The following PSPC1 variants were observed in gnomAD, a reference collection of about 807,000 sequenced individuals.
PSPC1 encodes paraspeckle protein 1.
In PSPC1, 14 loss-of-function variants were observed where a neutral mutation model predicts 51.6. The observed-to-expected ratio is 0.27, with a 90% confidence interval of 0.18 to 0.42. The LOEUF (loss-of-function observed/expected upper bound fraction) is 0.42, where lower values mean the gene tolerates loss of function less well. PSPC1 is among the 10% of genes least tolerant of loss of function. The pLI, the probability that PSPC1 is intolerant of heterozygous loss-of-function variation, is 1.00. For missense variants in PSPC1, 406 were observed against 701.1 expected (o/e 0.58, Z 4.75); for synonymous variants, 193 against 231.9 (o/e 0.83, Z 1.53).
In PSPC1 at chr13:19,782,481, T is replaced by A; in HGVS notation, c.277A>T (p.Ile93Phe). ...RLFVGNLPTD[I>F]TEEDFKRLFE... is the part of the protein sequence containing the mutation. ...AGCCTCTTGAAGTCCTCCTCCGTGA[T>A]GTCGGTGGGCAGATTTCCCACGAAG... The change falls in exon 1 of 9, where the codon ATC (isoleucine) becomes TTC (phenylalanine). Residue 93 changes from isoleucine to phenylalanine, a missense_variant. Ile to Phe is a conservative substitution (Grantham distance 21). Around this residue, in one of 5 missense-constraint regions of PSPC1, gnomAD observed 180 missense variants for 337.9 expected, o/e 0.53. Transcript: ENST00000338910. This position sits in a 1 kb window ranked among gnomAD's most constrained non-coding sequence, Gnocchi z 4.5. The A allele has an allele frequency of 6.2e-7, 1 of 1,613,174 alleles. No individual in the cohort carries two copies. The highest frequency in any genetic ancestry group is 8.5e-7 in the Non-Finnish European group (1 of 1,179,580).
At chr13:19,723,594 T>C (rs1883031367) in intron 6 of PSPC1, among the ~76,000 whole-genome samples, 1 of 152,206 alleles carries the variant, frequency 6.6e-6, no homozygotes, top group South Asian at 2.1e-4. Context: ...TATTAAATAA[T>C]CTTTGGAGGA....
At chr13:19,779,894 C>T (rs1889715558) in intron 1 of PSPC1, among the ~76,000 whole-genome samples, 1 of 119,320 alleles carries the variant, frequency 8.4e-6, no homozygotes, top group Admixed American at 7.6e-5. Context: ...CCAGCCGCCC[C>T]GTCCGGGAGG....
intron 1 of PSPC1, among the ~76,000 whole-genome samples, chr13:19,781,027 C>T (rs1295367876): frequency 2.6e-5 from 4 of 151,414 alleles, no homozygotes; most frequent in African/African-American, 4.9e-5. Context: ...CTTGGGGGTG[C>T]GTGACTGTAG....
intron 2 of PSPC1, among the ~76,000 whole-genome samples, chr13:19,771,555 C>T (rs1888630497): frequency 6.6e-6 from 1 of 152,128 alleles, no homozygotes; most frequent in Admixed American, 6.6e-5. Flanking sequence ...CATGCCTCAG[C>T]CTCCTGAGTA....
At chr13:19,774,062 C>A (rs546059910) in intron 1 of PSPC1, among the ~76,000 whole-genome samples, 1 of 152,086 alleles carries the variant, frequency 6.6e-6, no homozygotes, top group Non-Finnish European at 1.5e-5. Flanking sequence ...TAATAGTTCT[C>A]GCCATTATAT....
intron 1 of PSPC1, among the ~76,000 whole-genome samples, chr13:19,772,861 T>C (rs1888744945): frequency 6.6e-6 from 1 of 152,104 alleles, no homozygotes; most frequent in Non-Finnish European, 1.5e-5. Flanking sequence ...TAAGAACACA[T>C]ATTAACAACT....
At chr13:19,763,954 G>A (rs373738997) in intron 2 of PSPC1, among the ~76,000 whole-genome samples, 6 of 152,092 alleles carry the variant, frequency 3.9e-5, no homozygotes, top group African/African-American at 1.4e-4. Flanking sequence ...AGTGAGCAGA[G>A]ATCACACCAC....
intron 2 of PSPC1, among the ~76,000 whole-genome samples, chr13:19,762,693 T>G (rs1347327831): frequency 6.6e-6 from 1 of 152,260 alleles, no homozygotes; most frequent in Non-Finnish European, 1.5e-5. Flanking sequence ...GAACACATGC[T>G]AAAATGTGTT....
Position 19,697,133 on chromosome 13 carries a change from G to A in PSPC1, c.1159-19310C>T, listed in dbSNP as rs74355946. On this transcript the variant is annotated intron_variant and NMD_transcript_variant, in intron 6 of 7. Coordinates refer to the PSPC1 transcript ENST00000471658. ...TCACAATCAGAATAGCCTCTTTTGA[G>A]GCACAATATCTGAAAACAGATGCTC... Among the ~76,000 whole-genome samples the A allele has an allele frequency of 3.4e-3, 514 of 152,190 alleles. 5 individuals carry two copies. Among genetic ancestry groups the A allele is most frequent in the African/African-American group, 0.012 (481 of 41,532 alleles).
intron 1 of PSPC1, among the ~76,000 whole-genome samples, chr13:19,777,095 C>A (rs1311859167): frequency 7.7e-6 from 1 of 130,162 alleles, no homozygotes; most frequent in African/African-American, 2.8e-5. Flanking sequence ...GCACTCCAGC[C>A]TGGGTGACAG....
chr13:19,741,861 G>T (rs747693035), intron 4 of PSPC1, among the ~76,000 whole-genome samples: 52 of 152,312 alleles, frequency 3.4e-4, no homozygotes, highest in Non-Finnish European at 6.8e-4. Context: ...GCCAGGTGCG[G>T]TGGCCCACGC....
At chr13:19,698,252 G>A (rs1264941079), downstream of PSPC1, among the ~76,000 whole-genome samples, 2 of 151,744 alleles carry the variant, frequency 1.3e-5, no homozygotes, top group Non-Finnish European at 2.9e-5. Flanking sequence ...CTGTCTTGGT[G>A]TAATAAAGAG....
rs185648421 is a variant in PSPC1 at position 19,682,266 on chromosome 13, A to T, written c.1159-4443T>A. 3.0e-3 allele frequency among the ~76,000 whole-genome samples: 455 copies of T among 152,342 alleles called. 2 individuals are homozygous for T. Among genetic ancestry groups the T allele is most frequent in the Non-Finnish European group, 4.1e-3 (281 of 68,026 alleles). ...TTTGTAAGAAGCAAAAATCTGTAAT[A>T]TGAACATTCAATTCTGGATTCCCAA... On this transcript the variant is annotated intron_variant and NMD_transcript_variant, in intron 6 of 7. Coordinates refer to the PSPC1 transcript ENST00000471658.
intron 6 of PSPC1, among the ~76,000 whole-genome samples, chr13:19,727,085 G>A (rs1883440628): frequency 6.6e-6 from 1 of 152,144 alleles, no homozygotes; most frequent in African/African-American, 2.4e-5. Context: ...ACATTAATAT[G>A]TACCATACAA....
chr13:19,714,412 T>C (rs1362245784), intron 6 of PSPC1, among the ~76,000 whole-genome samples: 1 of 152,180 alleles, frequency 6.6e-6, no homozygotes, highest in Admixed American at 6.5e-5. Context: ...GCATCAGTAT[T>C]TTTCTTCTGA....
chr13:19,671,416 T>A, downstream of PSPC1: 1 of 740,128 alleles, frequency 1.4e-6, no homozygotes, highest in Non-Finnish European at 2.3e-6. Flanking sequence ...CTCCCTGGGG[T>A]AGTGATGCTA....
intron 6 of PSPC1, among the ~76,000 whole-genome samples, chr13:19,719,399 G>C (rs1882498541): frequency 6.6e-6 from 1 of 152,022 alleles, no homozygotes; most frequent in Non-Finnish European, 1.5e-5. Context: ...ATACTCACTG[G>C]GCTCAACGGA....
chr13:19,730,969 A>AAAAAAAAAAAC (rs1884024533), intron 5 of PSPC1, among the ~76,000 whole-genome samples: 4 of 146,704 alleles, frequency 2.7e-5, no homozygotes, highest in African/African-American at 7.5e-5. Flanking sequence ...AAAAAACAAA[A>AAAAAAAAAAAC]AAAAAAAAAA....
chr13:19,736,534 T>C (rs1228090493), intron 5 of PSPC1, among the ~76,000 whole-genome samples: 1 of 151,590 alleles, frequency 6.6e-6, no homozygotes, highest in Non-Finnish European at 1.5e-5. Flanking sequence ...ATACAAAAAA[T>C]TAGCCAGGTG....
Sources: allele counts gnomAD v4.1 joint callset (sites outside exome capture counted in the v4.1 genomes callset), GRCh38; gene constraint gnomAD v4.1.1; regional missense constraint gnomAD v4.1.1; non-coding constraint Gnocchi (gnomAD v3.1); transcripts MANE v1.5; gene names NCBI Gene and HGNC (gene_info 2026-07-23, HGNC 2026-07-21).